PAPSS1: variants seen among roughly 807,000 people sequenced by gnomAD.
The protein encoded by PAPSS1 is 3'-phosphoadenosine 5'-phosphosulfate synthase 1.
PAPSS1 carries 50 observed loss-of-function variants against 72.0 expected under a neutral mutation model. The observed-to-expected ratio is 0.69, with a 90% confidence interval of 0.55 to 0.88. PAPSS1 has a LOEUF of 0.88. Ranked by LOEUF, PAPSS1 falls within the 40% of genes least tolerant of loss-of-function variation. PAPSS1 has a pLI of 0.00. For synonymous variants in PAPSS1, 261 were observed against 263.6 expected, an observed-to-expected ratio of 0.99 and a Z score of 0.09; for missense variants, 657 against 782.2, an observed-to-expected ratio of 0.84 and a Z score of 1.91.
chr4:107,711,746 G>A (rs1723501905), intron 1 of PAPSS1, among the ~76,000 whole-genome samples: 1 of 152,162 alleles, frequency 6.6e-6, no homozygotes, highest in Admixed American at 6.5e-5. Context: ...ACAATGAAAA[G>A]AAATCTTTAG....
intron 6 of PAPSS1, among the ~76,000 whole-genome samples, chr4:107,658,353 T>TAA (rs5860875): frequency 3.7e-5 from 5 of 135,776 alleles, no homozygotes; most frequent in African/African-American, 1.4e-4. Context: ...AGACTCCATT[T>TAA]AAAAAAAAAA....
chr4:107,679,186 TCAC>T (rs1727736846), intron 5 of PAPSS1, among the ~76,000 whole-genome samples: 1 of 152,022 alleles, frequency 6.6e-6, no homozygotes, highest in African/African-American at 2.4e-5. Flanking sequence ...CTGAGAATCA[TCAC>T]CACTTCGCAG....
chr4:107,660,455 G>A (rs1370823996), intron 5 of PAPSS1, among the ~76,000 whole-genome samples: 1 of 152,162 alleles, frequency 6.6e-6, no homozygotes, highest in East Asian at 1.9e-4. Context: ...TTTTATTCCA[G>A]CTTTTATATA....
At chr4:107,696,150 G>A (rs768181452) in intron 2 of PAPSS1, among the ~76,000 whole-genome samples, 105 of 152,118 alleles carry the variant, frequency 6.9e-4, no homozygotes, top group Non-Finnish European at 1.3e-3. Flanking sequence ...CAACCATTGT[G>A]GAAGACAGTG....
chr4:107,713,069 C>G (rs1182565683), intron 1 of PAPSS1, among the ~76,000 whole-genome samples: 1 of 151,964 alleles, frequency 6.6e-6, no homozygotes, highest in East Asian at 2.0e-4. Context: ...GCCTCAGCCT[C>G]CTGAGTAGCT....
intron 3 of PAPSS1, among the ~76,000 whole-genome samples, chr4:107,689,583 A>T (rs536032367): frequency 1.4e-4 from 21 of 152,286 alleles, no homozygotes; most frequent in African/African-American, 4.8e-4. Flanking sequence ...TGGAATAGCA[A>T]TTAAGCTATG....
intron 5 of PAPSS1, among the ~76,000 whole-genome samples, chr4:107,666,668 C>G (rs1727325244): frequency 1.3e-5 from 2 of 152,174 alleles, no homozygotes; most frequent in Admixed American, 6.5e-5. Flanking sequence ...AATACTGTAT[C>G]TTACTGAAGA....
intron 5 of PAPSS1, among the ~76,000 whole-genome samples, chr4:107,670,383 TAAGAC>T (rs1029876574): frequency 1.3e-5 from 2 of 152,048 alleles, no homozygotes; most frequent in African/African-American, 4.8e-5. Flanking sequence ...ACTACAGAGA[TAAGAC>T]AAGCAATAGC....
chr4:107,643,096 GC>G (rs1182149521), intron 10 of PAPSS1, among the ~76,000 whole-genome samples: 1 of 152,126 alleles, frequency 6.6e-6, no homozygotes, highest in Non-Finnish European at 1.5e-5. Flanking sequence ...TGAACAATCT[GC>G]CACTAATTAC....
intron 10 of PAPSS1, among the ~76,000 whole-genome samples, chr4:107,637,490 C>T (rs930937872): frequency 3.3e-5 from 5 of 152,118 alleles, no homozygotes; most frequent in African/African-American, 7.2e-5. Flanking sequence ...CCACACCTGA[C>T]GGTTGAGAAA....
chr4:107,640,558 G>A (rs1218535832), intron 10 of PAPSS1, among the ~76,000 whole-genome samples: 1 of 151,838 alleles, frequency 6.6e-6, no homozygotes, highest in Non-Finnish European at 1.5e-5. Context: ...AAAATGAGAG[G>A]GTTTTTTTTT....
intron 10 of PAPSS1, among the ~76,000 whole-genome samples, chr4:107,636,385 G>A (rs549743704): frequency 5.3e-4 from 81 of 152,222 alleles, no homozygotes; most frequent in African/African-American, 1.9e-3. Flanking sequence ...AGAAATGTTG[G>A]GGAGAAACGA....
At chr4:107,633,068 C>G (rs563817859) in intron 10 of PAPSS1, among the ~76,000 whole-genome samples, 1 of 152,292 alleles carries the variant, frequency 6.6e-6, no homozygotes, top group East Asian at 1.9e-4. Context: ...CTGATGTTTG[C>G]CTGCATGTTT....
chr4:107,719,378 G>C (rs1299100644), intron 1 of PAPSS1, among the ~76,000 whole-genome samples: 1 of 152,090 alleles, frequency 6.6e-6, no homozygotes, highest in Non-Finnish European at 1.5e-5. Flanking sequence ...TCATCACAGA[G>C]AAATTAAGGA....
intron 9 of PAPSS1, among the ~76,000 whole-genome samples, chr4:107,649,392 C>A (rs1165690261): frequency 6.6e-6 from 1 of 152,260 alleles, no homozygotes; most frequent in Non-Finnish European, 1.5e-5. Context: ...CCCTTTGGGA[C>A]TGGCTAACAC....
chr4:107,628,993 AG>A, intron 11 of PAPSS1, among the ~76,000 whole-genome samples: 1 of 152,348 alleles, frequency 6.6e-6, no homozygotes, highest in Non-Finnish European at 1.5e-5. Flanking sequence ...GACAGATACA[AG>A]GGGCCTCCAA....
chr4:107,621,037 T>C (rs1037214776), intron 11 of PAPSS1, among the ~76,000 whole-genome samples: 4 of 152,146 alleles, frequency 2.6e-5, no homozygotes, highest in African/African-American at 9.7e-5. Flanking sequence ...CAGTGGCATC[T>C]GATGGTACAG....
chr4:107,705,219 G>A (rs576142503), intron 1 of PAPSS1, among the ~76,000 whole-genome samples: 28 of 152,264 alleles, frequency 1.8e-4, no homozygotes, highest in African/African-American at 6.7e-4. Flanking sequence ...GGAAGAGTTT[G>A]AGAAAAAATC....
At chr4:107,685,078 G>C (rs1295115219) in intron 4 of PAPSS1, among the ~76,000 whole-genome samples, 1 of 152,102 alleles carries the variant, frequency 6.6e-6, no homozygotes, top group East Asian at 1.9e-4. Context: ...CTAATTTTTT[G>C]TATTTTTAGT....
Sources: gnomAD v4.1 joint callset for allele counts (sites outside exome capture counted in the v4.1 genomes callset) on GRCh38, gnomAD v4.1.1 for gene constraint, MANE v1.5 for transcripts, NCBI Gene and HGNC (gene_info 2026-07-23, HGNC 2026-07-21) for gene names.